BICC1: variants seen among roughly 807,000 people sequenced by gnomAD.
The protein encoded by BICC1 is protein bicaudal C homolog 1.
A neutral mutation model predicts 111.0 loss-of-function variants in BICC1; 43 were observed. The ratio of observed to expected loss-of-function variants is 0.39; its 90% CI spans 0.30 to 0.50. The LOEUF (loss-of-function observed/expected upper bound fraction) is 0.50. Ranked by LOEUF, BICC1 falls within the 20% of genes least tolerant of loss-of-function variation. The probability of loss-of-function intolerance (pLI) is 0.88; values close to 1 mark genes in which losing one functional copy is unlikely to be tolerated. For synonymous variants in BICC1, 467 were observed against 434.4 expected, an observed-to-expected ratio of 1.07 and a Z score of -0.93; for missense variants, 1,091 against 1,203.2, an observed-to-expected ratio of 0.91 and a Z score of 1.38.
intron 1 of BICC1, among the ~76,000 whole-genome samples, chr10:58,545,568 A>G (rs1752243947): frequency 6.6e-6 from 1 of 152,170 alleles, no homozygotes; most frequent in African/African-American, 2.4e-5. Context: ...CTCATCCAGC[A>G]CCAGAATTAA....
At chr10:58,640,475 A>T (rs1838090388) in intron 2 of BICC1, among the ~76,000 whole-genome samples, 1 of 152,198 alleles carries the variant, frequency 6.6e-6, no homozygotes. Flanking sequence ...ATTTTAAATA[A>T]ATTATGGACT....
At chr10:58,585,510 C>G (rs1810171770) in intron 1 of BICC1, among the ~76,000 whole-genome samples, 1 of 152,096 alleles carries the variant, frequency 6.6e-6, no homozygotes, top group Non-Finnish European at 1.5e-5. Flanking sequence ...AAATTGAGAA[C>G]TATTTTCTTT....
chr10:58,553,800 C>CT (rs1843365671), intron 1 of BICC1, among the ~76,000 whole-genome samples: 1 of 151,304 alleles, frequency 6.6e-6, no homozygotes, highest in Admixed American at 6.6e-5. Context: ...GCTAACACTT[C>CT]TTTGTCATTT....
At chr10:58,599,758 C>A (rs1588912022) in intron 1 of BICC1, among the ~76,000 whole-genome samples, 1 of 152,108 alleles carries the variant, frequency 6.6e-6, no homozygotes, top group Non-Finnish European at 1.5e-5. Flanking sequence ...ATTACCTGTT[C>A]AAGGCACATC....
At chr10:58,801,240 C>G (rs901002581) in intron 14 of BICC1, among the ~76,000 whole-genome samples, 194 bp downstream of exon 14, 1 of 152,022 alleles carries the variant, frequency 6.6e-6, no homozygotes. Flanking sequence ...TCTCTATAGT[C>G]CCTTCCCCAT....
chr10:58,634,323 G>A (rs1207605065), intron 2 of BICC1, among the ~76,000 whole-genome samples: 1 of 152,024 alleles, frequency 6.6e-6, no homozygotes, highest in East Asian at 1.9e-4. Flanking sequence ...ATTATTAACT[G>A]GAATTCATGT....
chr10:58,537,928 C>A (rs1427623950), intron 1 of BICC1, among the ~76,000 whole-genome samples: 1 of 151,772 alleles, frequency 6.6e-6, no homozygotes, highest in African/African-American at 2.4e-5. Context: ...AGTGAAACAT[C>A]TGTACAAGGA....
At chr10:58,532,526 A>G (rs1324313096) in intron 1 of BICC1, among the ~76,000 whole-genome samples, 1 of 151,894 alleles carries the variant, frequency 6.6e-6, no homozygotes, top group Non-Finnish European at 1.5e-5. Context: ...CACCAAAGAA[A>G]TCAGCTGCTT....
chr10:58,549,460 G>T (rs1843231415), intron 1 of BICC1, among the ~76,000 whole-genome samples: 1 of 152,010 alleles, frequency 6.6e-6, no homozygotes, highest in Admixed American at 6.6e-5. Context: ...TCAACGTTTG[G>T]TATTGTCAGT....
intron 2 of BICC1, among the ~76,000 whole-genome samples, chr10:58,651,804 A>G (rs1838458182): frequency 6.6e-6 from 1 of 152,164 alleles, no homozygotes; most frequent in African/African-American, 2.4e-5. Context: ...CCCCAAATTT[A>G]TAGTGGATGA....
At chr10:58,529,966 T>G (rs1480080985) in intron 1 of BICC1, among the ~76,000 whole-genome samples, 2 of 151,822 alleles carry the variant, frequency 1.3e-5, no homozygotes, top group Non-Finnish European at 2.9e-5. Context: ...AAAGTTTTTT[T>G]TTTTCATTTT....
At chr10:58,825,255 T>A (rs9415588) in intron 20 of BICC1, among the ~76,000 whole-genome samples, 89,866 of 152,006 alleles carry the variant, frequency 0.59, 29,927 homozygotes, top group Non-Finnish European at 0.73. Context: ...CTTAATACAG[T>A]TGACCCTTGA....
intron 9 of BICC1, 135 bp downstream of exon 9, chr10:58,793,750 G>T (rs1843254778): frequency 6.5e-6 from 6 of 928,272 alleles, no homozygotes; most frequent in Non-Finnish European, 7.9e-6. Context: ...AATCCGGAAT[G>T]CTCCAAAAGC....
intron 2 of BICC1, among the ~76,000 whole-genome samples, chr10:58,641,070 C>G (rs1838108010): frequency 6.6e-6 from 1 of 152,068 alleles, no homozygotes; most frequent in Admixed American, 6.5e-5. Context: ...ACAATTCTTC[C>G]AAAACAATAA....
At chr10:58,777,723 A>G (rs1842784907) in intron 3 of BICC1, among the ~76,000 whole-genome samples, 2 of 152,092 alleles carry the variant, frequency 1.3e-5, no homozygotes, top group Admixed American at 1.3e-4. Flanking sequence ...TTAAATATTA[A>G]GTTTCATTTG....
At chr10:58,792,544 C>T (rs982353350) in intron 8 of BICC1, among the ~76,000 whole-genome samples, 1 of 152,134 alleles carries the variant, frequency 6.6e-6, no homozygotes, top group East Asian at 1.9e-4. Context: ...CTGAGCTCCA[C>T]CTCCTGTGAG....
intron 2 of BICC1, among the ~76,000 whole-genome samples, chr10:58,637,952 G>T (rs1031681687): frequency 6.6e-6 from 1 of 152,058 alleles, no homozygotes; most frequent in Non-Finnish European, 1.5e-5. Flanking sequence ...GGAGGTATGC[G>T]AACAGGAAGA....
intron 20 of BICC1, chr10:58,823,725 T>C (rs1589175965): frequency 1.0e-6 from 1 of 985,376 alleles, no homozygotes; most frequent in East Asian, 1.1e-4. Flanking sequence ...AATTGTATGT[T>C]ATTCCCCCGT....
At chr10:58,573,286 A>G (rs1329912112) in intron 1 of BICC1, among the ~76,000 whole-genome samples, 1 of 152,130 alleles carries the variant, frequency 6.6e-6, no homozygotes, top group Non-Finnish European at 1.5e-5. Flanking sequence ...TTCTTACAAG[A>G]AGAGGTAGTT....
Sources: gnomAD v4.1 joint callset for allele counts (sites outside exome capture counted in the v4.1 genomes callset) on GRCh38, gnomAD v4.1.1 for gene constraint, MANE v1.5 for transcripts, NCBI Gene and HGNC (gene_info 2026-07-23, HGNC 2026-07-21) for gene names.